Variants in CREB5 observed in about 807,000 individuals in gnomAD.
The protein encoded by CREB5 is cyclic AMP-responsive element-binding protein 5.
A neutral mutation model predicts 57.1 loss-of-function variants in CREB5; 19 were observed. The ratio of observed to expected loss-of-function variants is 0.33; its 90% CI spans 0.23 to 0.49. The LOEUF is 0.49. Ranked by LOEUF, CREB5 falls within the 20% of genes least tolerant of loss-of-function variation. The pLI, the probability that CREB5 is intolerant of heterozygous loss-of-function variation, is 0.99. For synonymous variants in CREB5, 238 were observed against 238.3 expected (o/e 1.00, Z 0.01); for missense variants, 579 against 671.6 (o/e 0.86, Z 1.52).
chr7:28,668,960 C>G (rs1799931564), intron 5 of CREB5, among the ~76,000 whole-genome samples: 1 of 152,148 alleles, frequency 6.6e-6, no homozygotes, highest in Non-Finnish European at 1.5e-5. Context: ...CTCTGAGGCC[C>G]CGTGTAGTGG....
At chr7:28,791,093 G>C (rs568954659) in intron 7 of CREB5, among the ~76,000 whole-genome samples, 1 of 152,244 alleles carries the variant, frequency 6.6e-6, no homozygotes, top group African/African-American at 2.4e-5. Flanking sequence ...GTGAAAAGAA[G>C]AACCCACTTG....
chr7:28,382,565 G>T (rs1786987119), intron 1 of CREB5, among the ~76,000 whole-genome samples: 1 of 152,014 alleles, frequency 6.6e-6, no homozygotes, highest in Non-Finnish European at 1.5e-5. Context: ...AGAATGTTCT[G>T]GAAAATGTTC....
chr7:28,714,804 A>G (rs1048691112), intron 5 of CREB5, among the ~76,000 whole-genome samples: 3 of 152,228 alleles, frequency 2.0e-5, no homozygotes, highest in East Asian at 1.9e-4. Context: ...TAGTAATTGA[A>G]CAATCCAACA....
chr7:28,664,027 A>G (rs897175284), intron 5 of CREB5, among the ~76,000 whole-genome samples: 1 of 152,206 alleles, frequency 6.6e-6, no homozygotes, highest in African/African-American at 2.4e-5. Context: ...ACCTTCCCAA[A>G]GATCTCAAGT....
intron 1 of CREB5, among the ~76,000 whole-genome samples, chr7:28,351,711 C>G (rs570705043): frequency 2.0e-5 from 3 of 151,988 alleles, no homozygotes; most frequent in Non-Finnish European, 2.9e-5. Flanking sequence ...TATGCACTTT[C>G]AAGCATTACA....
intron 1 of CREB5, among the ~76,000 whole-genome samples, chr7:28,462,194 TTCAC>T (rs764640972): frequency 2.6e-5 from 4 of 152,232 alleles, no homozygotes; most frequent in Non-Finnish European, 5.9e-5. Context: ...TTTGTGTTCT[TTCAC>T]TTAGCATAAC....
At chr7:28,443,874 C>T (rs1312405226) in intron 1 of CREB5, among the ~76,000 whole-genome samples, 1 of 152,156 alleles carries the variant, frequency 6.6e-6, no homozygotes, top group Non-Finnish European at 1.5e-5. Flanking sequence ...CCCAGATACC[C>T]AAATGCCATA....
At chr7:28,715,058 G>A (rs1322291976) in intron 5 of CREB5, among the ~76,000 whole-genome samples, 2 of 152,114 alleles carry the variant, frequency 1.3e-5, no homozygotes, top group Non-Finnish European at 2.9e-5. Context: ...GTTTTGTTTT[G>A]TTTTAAAGGA....
At chr7:28,740,578 A>C (rs1323372054) in intron 7 of CREB5, among the ~76,000 whole-genome samples, 2 of 152,220 alleles carry the variant, frequency 1.3e-5, no homozygotes, top group Non-Finnish European at 2.9e-5. Flanking sequence ...AGCAAAAAAA[A>C]TTATAGCCTG....
chr7:28,479,287 G>C (rs1237597741), intron 1 of CREB5, among the ~76,000 whole-genome samples: 1 of 152,188 alleles, frequency 6.6e-6, no homozygotes, highest in Non-Finnish European at 1.5e-5. Flanking sequence ...GTGCATTGCA[G>C]AATATCCCAT....
At chr7:28,576,016 A>C (rs1795896769) in intron 5 of CREB5, among the ~76,000 whole-genome samples, 1 of 152,246 alleles carries the variant, frequency 6.6e-6, no homozygotes, top group Non-Finnish European at 1.5e-5. Context: ...GGGTAGAGCC[A>C]GAACATGGGA....
At chr7:28,345,330 C>T (rs1786035064) in intron 1 of CREB5, among the ~76,000 whole-genome samples, 2 of 149,040 alleles carry the variant, frequency 1.3e-5, no homozygotes, top group South Asian at 4.2e-4. Flanking sequence ...CAAAACATGT[C>T]TTAACAAATG....
intron 7 of CREB5, among the ~76,000 whole-genome samples, chr7:28,793,557 T>A (rs1478341760): frequency 6.6e-6 from 1 of 152,210 alleles, no homozygotes; most frequent in Non-Finnish European, 1.5e-5. Context: ...GGCTTTTTAG[T>A]CAAACTTCCA....
intron 5 of CREB5, among the ~76,000 whole-genome samples, chr7:28,636,888 G>A (rs1015966005): frequency 7.9e-5 from 12 of 152,262 alleles, no homozygotes; most frequent in African/African-American, 2.9e-4. Context: ...GAGTGCAGTG[G>A]CTCATGCCTG....
At chr7:28,526,863 T>G (rs1345659189) in intron 4 of CREB5, among the ~76,000 whole-genome samples, 1 of 152,210 alleles carries the variant, frequency 6.6e-6, no homozygotes, top group Non-Finnish European at 1.5e-5. Context: ...TTTTCTTTCT[T>G]TGTCAGAAAT....
rs1279308520 is a variant in CREB5 at position 28,522,579 on chromosome 7, G to A, written c.291+14842G>A. Among the ~76,000 whole-genome samples the A allele has an allele frequency of 9.2e-5, 14 of 151,828 alleles. 1 individual carries two copies. Among genetic ancestry groups the A allele is most frequent in the Non-Finnish European group, 1.5e-5 (1 of 67,974 alleles). ...CCCGGCTAATTTTTTTGTATTTTTA[G>A]TAGAGATGGGGTGTCACCATGTCGG... is the stretch of plus-strand genomic sequence containing the variant. On this transcript the variant is annotated intron_variant, in intron 4 of 10. Coordinates refer to ENST00000357727, the MANE Select transcript of CREB5 (RefSeq NM_182898.4).
intron 5 of CREB5, among the ~76,000 whole-genome samples, chr7:28,585,302 T>A (rs1796266942): frequency 6.6e-6 from 1 of 152,186 alleles, no homozygotes; most frequent in African/African-American, 2.4e-5. Context: ...CTGAACCAAC[T>A]TCCTGTGTGG....
At chr7:28,417,855 A>G (rs1035842613) in intron 1 of CREB5, among the ~76,000 whole-genome samples, 5 of 152,228 alleles carry the variant, frequency 3.3e-5, no homozygotes, top group East Asian at 3.8e-4. Flanking sequence ...TACAGAATGA[A>G]TAACTTAGAC....
At chr7:28,644,763 C>T (rs924830335) in intron 5 of CREB5, among the ~76,000 whole-genome samples, 1 of 152,018 alleles carries the variant, frequency 6.6e-6, no homozygotes, top group Non-Finnish European at 1.5e-5. Flanking sequence ...ATTAAAAGTG[C>T]TTACTGACCT....
Sources: gnomAD v4.1 joint callset for allele counts (sites outside exome capture counted in the v4.1 genomes callset) on GRCh38, gnomAD v4.1.1 for gene constraint, MANE v1.5 for transcripts, NCBI Gene and HGNC (gene_info 2026-07-23, HGNC 2026-07-21) for gene names.